CDYL2: variants seen among roughly 807,000 people sequenced by gnomAD.
The protein encoded by CDYL2 is chromodomain Y like 2.
In CDYL2, 23 loss-of-function variants were observed where a neutral mutation model predicts 49.4. That is an observed-to-expected ratio of 0.47 (90% CI 0.34 to 0.66). The LOEUF (loss-of-function observed/expected upper bound fraction) is 0.66. Among genes scored for constraint, CDYL2 ranks in the 30% least tolerant of loss-of-function variants. The pLI, the probability that CDYL2 is intolerant of heterozygous loss-of-function variation, is 0.01. For synonymous variants in CDYL2, 360 were observed against 268.8 expected (o/e 1.34, Z -3.32); for missense variants, 678 against 656.4 (o/e 1.03, Z -0.36).
intron 1 of CDYL2, among the ~76,000 whole-genome samples, chr16:80,771,566 G>A (rs1379299737): frequency 2.0e-5 from 3 of 152,122 alleles, no homozygotes; most frequent in East Asian, 3.9e-4. Flanking sequence ...TTAGCCAGGT[G>A]TGGTGGTGCG....
At chr16:80,764,079 T>C (rs111420357) in intron 1 of CDYL2, among the ~76,000 whole-genome samples, 28 of 152,228 alleles carry the variant, frequency 1.8e-4, no homozygotes, top group African/African-American at 6.7e-4. Context: ...TCTTTAAAGA[T>C]GGTATGATTT....
chr16:80,704,912 C>T (rs1042432273), intron 1 of CDYL2, among the ~76,000 whole-genome samples: 8 of 152,154 alleles, frequency 5.3e-5, no homozygotes, highest in African/African-American at 1.7e-4. Flanking sequence ...GCAAAATAAG[C>T]CACCCAGGGG....
intron 1 of CDYL2, among the ~76,000 whole-genome samples, chr16:80,703,680 C>G (rs1567577554): frequency 6.6e-6 from 1 of 152,142 alleles, no homozygotes; most frequent in Non-Finnish European, 1.5e-5. Context: ...TGACCCAGCC[C>G]CTCCCAGAAC....
At chr16:80,635,056 C>T (rs1409520077) in intron 2 of CDYL2, among the ~76,000 whole-genome samples, 1 of 152,092 alleles carries the variant, frequency 6.6e-6, no homozygotes, top group Non-Finnish European at 1.5e-5. Context: ...CTCTCATGAA[C>T]ACAGATGGAA....
intron 1 of CDYL2, among the ~76,000 whole-genome samples, chr16:80,763,417 A>G (rs1906606533): frequency 1.3e-5 from 2 of 152,052 alleles, no homozygotes; most frequent in South Asian, 4.2e-4. Context: ...CAGCCTGGCC[A>G]ACATGGTGAA....
chr16:80,760,031 T>C (rs1567597865), intron 1 of CDYL2, among the ~76,000 whole-genome samples: 1 of 152,238 alleles, frequency 6.6e-6, no homozygotes. Flanking sequence ...GAAACTATAT[T>C]TCATTTTAAG....
At chr16:80,718,272 C>G (rs1904880000) in intron 1 of CDYL2, among the ~76,000 whole-genome samples, 1 of 152,214 alleles carries the variant, frequency 6.6e-6, no homozygotes, top group African/African-American at 2.4e-5. Context: ...CTAAAATCTT[C>G]ATTGTCAAAA....
intron 5 of CDYL2, among the ~76,000 whole-genome samples, chr16:80,609,739 C>T (rs535180345): frequency 6.6e-6 from 1 of 152,262 alleles, no homozygotes; most frequent in East Asian, 1.9e-4. Flanking sequence ...AGACACCATA[C>T]CCTGCAGTGC....
chr16:80,690,684 G>A (rs922351370), intron 1 of CDYL2, among the ~76,000 whole-genome samples: 5 of 152,022 alleles, frequency 3.3e-5, no homozygotes, highest in Non-Finnish European at 5.9e-5. Flanking sequence ...CAGCATATCC[G>A]CAGCTTCAGG....
At position 80,612,360 on chromosome 16, in the gene CDYL2, C is replaced by A. The variant is rs1208603007; in HGVS notation, c.1218+266G>T. 6.6e-6 allele frequency among the ~76,000 whole-genome samples: 1 copy of A among 152,178 alleles called. No homozygotes were observed. Reference sequence around the variant, plus strand: ...GTGGGCTGCTTGTCACAGCACCCAGCCAATCCTAAGACACGCCTTCAGGGG... The same window carrying A: ...GTGGGCTGCTTGTCACAGCACCCAGACAATCCTAAGACACGCCTTCAGGGG... On this transcript the variant is annotated intron_variant, in intron 5 of 6. Transcript: ENST00000570137. The surrounding 1 kb of genome is among the most constrained non-coding windows in gnomAD (Gnocchi z 5.0).
chr16:80,703,820 T>A (rs117971537), intron 1 of CDYL2, among the ~76,000 whole-genome samples: 82 of 152,270 alleles, frequency 5.4e-4, no homozygotes, highest in Non-Finnish European at 1.0e-3. Context: ...ACACCTGGCC[T>A]TGCCTGAGCT....
At chr16:80,737,015 C>T (rs1430287077) in intron 1 of CDYL2, among the ~76,000 whole-genome samples, 2 of 152,066 alleles carry the variant, frequency 1.3e-5, no homozygotes, top group Admixed American at 6.6e-5. Flanking sequence ...TCTTTTGTTA[C>T]GTGGGAGAAG....
At chr16:80,620,263 G>C (rs1172977599) in intron 4 of CDYL2, among the ~76,000 whole-genome samples, 1 of 152,224 alleles carries the variant, frequency 6.6e-6, no homozygotes, top group Non-Finnish European at 1.5e-5. Flanking sequence ...AATTAGAAAG[G>C]GGGAAATACT....
intron 1 of CDYL2, among the ~76,000 whole-genome samples, chr16:80,732,980 C>T (rs566226675): frequency 6.4e-4 from 97 of 151,832 alleles, no homozygotes; most frequent in African/African-American, 2.3e-3. Context: ...ATTTAGTGTC[C>T]CAAAAGATGT....
At chr16:80,693,772 G>C (rs535755294) in intron 1 of CDYL2, among the ~76,000 whole-genome samples, 1 of 152,076 alleles carries the variant, frequency 6.6e-6, no homozygotes, top group South Asian at 2.1e-4. Flanking sequence ...CTGTACATTT[G>C]TCAAAAACCA....
At chr16:80,769,264 T>C (rs749926233) in intron 1 of CDYL2, among the ~76,000 whole-genome samples, 2 of 152,192 alleles carry the variant, frequency 1.3e-5, no homozygotes, top group African/African-American at 2.4e-5. Context: ...CATTATGTGA[T>C]TGAGAGGATG....
chr16:80,662,772 G>C, intron 2 of CDYL2: 1 of 455,826 alleles, frequency 2.2e-6, no homozygotes, highest in Non-Finnish European at 4.4e-6. Flanking sequence ...TACCGTACTG[G>C]ACAGTGAAGG....
intron 2 of CDYL2, among the ~76,000 whole-genome samples, chr16:80,673,131 A>T (rs1007438078): frequency 1.1e-4 from 17 of 151,950 alleles, no homozygotes; most frequent in African/African-American, 4.1e-4. Context: ...CAGCCTGGCC[A>T]ACATGGTGAA....
chr16:80,619,163 G>A (rs918891160), intron 4 of CDYL2, among the ~76,000 whole-genome samples: 1 of 152,072 alleles, frequency 6.6e-6, no homozygotes, highest in Admixed American at 6.5e-5. Flanking sequence ...TCCTGTCTCT[G>A]TGTCCCCTCT....
Sources: allele counts gnomAD v4.1 joint callset (sites outside exome capture counted in the v4.1 genomes callset), GRCh38; gene constraint gnomAD v4.1.1; non-coding constraint Gnocchi (gnomAD v3.1); transcripts MANE v1.5; gene names NCBI Gene and HGNC (gene_info 2026-07-23, HGNC 2026-07-21).